The following CEP89 variants were observed in gnomAD, a reference collection of about 807,000 sequenced individuals.
The protein encoded by CEP89 is centrosomal protein 89, also known as centrosomal protein of 89 kDa.
Under a neutral mutation model 97.6 loss-of-function variants are expected in CEP89, and 95 were observed. The observed-to-expected ratio is 0.97, with a 90% CI of 0.82 to 1.15. The LOEUF (loss-of-function observed/expected upper bound fraction) is 1.15. Ranked by LOEUF, CEP89 falls within the 50% of genes most tolerant of loss-of-function variation. The pLI is 0.00. For synonymous variants in CEP89, 354 were observed against 349.1 expected (o/e 1.01, Z -0.16); for missense variants, 869 against 947.7 (o/e 0.92, Z 1.09).
intron 4 of CEP89, among the ~76,000 whole-genome samples, chr19:32,952,542 G>T (rs954065634): frequency 6.6e-6 from 1 of 151,598 alleles, no homozygotes; most frequent in African/African-American, 2.4e-5. Context: ...AATCAATACC[G>T]GTGTAGCTTA....
intron 14 of CEP89, among the ~76,000 whole-genome samples, chr19:32,903,512 A>C (rs1191847505): frequency 6.6e-6 from 1 of 152,238 alleles, no homozygotes; most frequent in Non-Finnish European, 1.5e-5. Context: ...CTGGGGACAG[A>C]GACGGAGAAT....
chr19:32,967,626 G>A (rs1251791518), intron 1 of CEP89, among the ~76,000 whole-genome samples: 1 of 152,216 alleles, frequency 6.6e-6, no homozygotes, highest in Non-Finnish European at 1.5e-5. Context: ...CTCCAGGTCT[G>A]GGGCCAGCCT....
At chr19:32,932,809 G>C (rs1375098795) in intron 8 of CEP89, among the ~76,000 whole-genome samples, 11 of 151,928 alleles carry the variant, frequency 7.2e-5, no homozygotes, top group Non-Finnish European at 1.5e-4. Flanking sequence ...ACTTAGCCAG[G>C]CATGATGGCG....
At position 32,899,984 on chromosome 19, in the gene CEP89, T is replaced by G; in HGVS notation, c.1748A>C (p.Lys583Thr). ...AQKINRKSQK[K>T]IEVLKKQVEK... ...CACCTGCTTTTTGAGGACCTCAATTTTCTTTTGAGATTTCCTAGAGAGTTA... is the reference window on the plus strand; with the variant it reads ...CACCTGCTTTTTGAGGACCTCAATTGTCTTTTGAGATTTCCTAGAGAGTTA... The change falls in exon 16 of 19, where the codon AAA becomes ACA. Residue 583 changes from lysine to threonine, a missense_variant. By Grantham distance (78) the Lys-to-Thr change is moderately conservative (BLOSUM62 -1). Coordinates refer to ENST00000305768, the MANE Select transcript of CEP89 (RefSeq NM_032816.5). 1 of 1,614,158 alleles carries G rather than the reference T, an allele frequency of 6.2e-7. No individual in the cohort carries two copies. Among genetic ancestry groups the G allele is most frequent in the Non-Finnish European group, 8.5e-7 (1 of 1,180,016 alleles).
At chr19:32,942,714 AT>A in intron 5 of CEP89, among the ~76,000 whole-genome samples, 1 of 152,210 alleles carries the variant, frequency 6.6e-6, no homozygotes, top group East Asian at 1.9e-4. Flanking sequence ...TCTCAAAAAG[AT>A]TTCCAGAGTC....
intron 14 of CEP89, among the ~76,000 whole-genome samples, chr19:32,912,016 C>G (rs1350410005): frequency 6.6e-6 from 1 of 151,964 alleles, no homozygotes; most frequent in Admixed American, 6.6e-5. Flanking sequence ...CACTTAAGGC[C>G]AGGAGTTCAG....
intron 7 of CEP89, among the ~76,000 whole-genome samples, chr19:32,934,571 G>C (rs1970542323): frequency 6.6e-6 from 1 of 152,146 alleles, no homozygotes; most frequent in Admixed American, 6.5e-5. Context: ...CAGAGAGCCT[G>C]GCCCAACCTC....
chr19:32,970,170 C>T (rs1368382819), intron 1 of CEP89: 2 of 152,330 alleles, frequency 1.3e-5, no homozygotes, highest in Non-Finnish European at 2.9e-5. Flanking sequence ...TTTCCTTACT[C>T]CCTGCCAGGC....
Position 32,879,378 on chromosome 19 carries a change from T to A in CEP89, c.2136A>T (p.Arg712Ser). 1 of 1,612,426 alleles carries A rather than the reference T, an allele frequency of 6.2e-7. No individual in the cohort carries two copies. ...EVLDQALQQNREMEGELEVIW... is the reference protein window; with the variant it reads ...EVLDQALQQNSEMEGELEVIW... ...TAACTTCAAGTTCACCTTCCATTTC[T>A]CTGAGGGAAATAAGTTTAAAATGGC... Residue 712 changes from arginine (R) to serine (S), a missense_variant and splice_region_variant, in exon 19 of 19, where the codon AGA (arginine) becomes AGT (serine). By Grantham distance (110) the Arg-to-Ser change is moderately radical. Coordinates refer to ENST00000305768, the MANE Select transcript of CEP89 (RefSeq NM_032816.5).
chr19:32,888,049 T>C (rs938987247), intron 16 of CEP89, among the ~76,000 whole-genome samples: 1 of 152,224 alleles, frequency 6.6e-6, no homozygotes, highest in Non-Finnish European at 1.5e-5. Flanking sequence ...TGGGGTGCCC[T>C]GCTCGACACA....
intron 18 of CEP89, 67 bp from the exon 19 acceptor site, chr19:32,879,445 T>A: frequency 7.6e-7 from 1 of 1,312,520 alleles, no homozygotes; most frequent in Admixed American, 1.8e-5. Flanking sequence ...AATCCCAAAG[T>A]AGCAAGAACT....
In CEP89 at chr19:32,881,993, T is replaced by C; in HGVS notation, c.1986A>G (p.Ala662=). ...EKVKGYKKQA[A]LKLGDISHRL... is the part of the protein sequence containing the mutation. ...GGTGACTGATGTCCCCCAGCTTCAG[T>C]GCTGCCTGCTTCTTGTAGCCCTGGT... Residue 662 remains alanine, a synonymous_variant, in exon 18 of 19, where the codon GCA becomes GCG. Transcript: ENST00000305768. 1.9e-6 allele frequency: 3 copies of C among 1,577,742 alleles called. No homozygotes were observed. Among genetic ancestry groups the C allele is most frequent in the Non-Finnish European group, 1.7e-6 (2 of 1,161,568 alleles).
At chr19:32,962,939 C>A (rs1971199971) in intron 2 of CEP89, among the ~76,000 whole-genome samples, 1 of 152,024 alleles carries the variant, frequency 6.6e-6, no homozygotes, top group Admixed American at 6.6e-5. Flanking sequence ...GACTTGTGAC[C>A]AACAAGGAAT....
chr19:32,910,598 C>T (rs1341416898), intron 14 of CEP89, among the ~76,000 whole-genome samples: 1 of 152,026 alleles, frequency 6.6e-6, no homozygotes, highest in Non-Finnish European at 1.5e-5. Context: ...TTTTTTATAA[C>T]ACAGCTTAAA....
intron 5 of CEP89, among the ~76,000 whole-genome samples, chr19:32,947,995 C>T (rs1406868884): frequency 1.3e-5 from 2 of 152,042 alleles, no homozygotes; most frequent in Non-Finnish European, 1.5e-5. Context: ...TTTGTACAGA[C>T]GATGTCTCCC....
intron 16 of CEP89, among the ~76,000 whole-genome samples, chr19:32,890,125 A>C (rs1340742090): frequency 1.3e-5 from 2 of 152,132 alleles, no homozygotes; most frequent in East Asian, 3.9e-4. Flanking sequence ...AACTGTTTTC[A>C]GCCGGGCACG....
chr19:32,960,489 G>A (rs2145969794), intron 2 of CEP89, among the ~76,000 whole-genome samples: 1 of 152,246 alleles, frequency 6.6e-6, no homozygotes, highest in East Asian at 1.9e-4. Context: ...GAAAGTTAGA[G>A]TAAACAGATT....
At chr19:32,902,006 C>CTGTGTGTGTGTGTGTGTGTGTGTGTGTG (rs1287486651) in intron 14 of CEP89, among the ~76,000 whole-genome samples, 1 of 98,726 alleles carries the variant, frequency 1.0e-5, no homozygotes. Flanking sequence ...GTCTCTCTCT[C>CTGTGTGTGTGTGTGTGTGTGTGTGTGTG]TCTCTGTGTG....
intron 2 of CEP89, among the ~76,000 whole-genome samples, chr19:32,964,533 T>C (rs1396605313): frequency 5.9e-5 from 9 of 152,110 alleles, no homozygotes; most frequent in Admixed American, 5.9e-4. Context: ...AAACTAAATA[T>C]CCATCAACAG....
Sources: gnomAD v4.1 joint callset for allele counts (sites outside exome capture counted in the v4.1 genomes callset) on GRCh38, gnomAD v4.1.1 for gene constraint, MANE v1.5 for transcripts, NCBI Gene and HGNC (gene_info 2026-07-23, HGNC 2026-07-21) for gene names.